Variants in ACBD6 observed in about 807,000 individuals in gnomAD.
ACBD6 encodes the protein acyl-CoA-binding domain-containing protein 6.
Under a neutral mutation model 37.2 loss-of-function variants are expected in ACBD6, and 28 were observed. That is an observed-to-expected ratio of 0.75 (90% confidence interval 0.56 to 1.03). ACBD6 has a LOEUF of 1.03. Among genes scored for constraint, ACBD6 ranks in the 50% least tolerant of loss-of-function variants. The probability of loss-of-function intolerance (pLI) is 0.00; values close to 1 mark genes in which losing one functional copy is unlikely to be tolerated. For missense variants in ACBD6, 340 were observed against 337.4 expected (o/e 1.01, Z -0.06); for synonymous variants, 113 against 126.8 (o/e 0.89, Z 0.73).
In ACBD6 at chr1:180,314,703, G is replaced by C. The variant is rs921062694; in HGVS notation, c.683C>G (p.Ala228Gly). The change falls in exon 7 of 8, where the codon GCT (alanine) becomes GGT (glycine). Residue 228 changes from alanine (A) to glycine (G), a missense_variant. Coordinates refer to ENST00000367595, the MANE Select transcript of ACBD6 (RefSeq NM_032360.4). ...TAGAAACTTCTTACCATAATGTAGA[G>C]CTGTTTGGCCTTCATTGTCCTATAA... ...INCQDNEGQT[A>G]LHYASACEFL... The C allele has an allele frequency of 1.3e-6, 2 of 1,529,856 alleles. No individual in the cohort carries two copies. The highest frequency in any genetic ancestry group is 1.8e-6 in the Non-Finnish European group (2 of 1,105,774). The allele number at this position is 1,529,856 out of a possible 1,614,324, so 94.8% of individuals were successfully genotyped here.
At chr1:180,432,064 A>G (rs1254053489) in intron 3 of ACBD6, among the ~76,000 whole-genome samples, 4 of 152,090 alleles carry the variant, frequency 2.6e-5, no homozygotes, top group African/African-American at 9.7e-5. Flanking sequence ...AAAACTAGCC[A>G]GGCATGGTGG....
intron 7 of ACBD6, among the ~76,000 whole-genome samples, chr1:180,309,420 T>C (rs1650504554): frequency 6.6e-6 from 1 of 152,076 alleles, no homozygotes; most frequent in African/African-American, 2.4e-5. Context: ...GATGACAGAG[T>C]GACTCATCTA....
intron 3 of ACBD6, among the ~76,000 whole-genome samples, chr1:180,441,349 A>G (rs577376781): frequency 6.6e-6 from 1 of 152,236 alleles, no homozygotes; most frequent in African/African-American, 2.4e-5. Context: ...TGTTTTAATT[A>G]CTGTAGCTTT....
intron 6 of ACBD6, among the ~76,000 whole-genome samples, chr1:180,317,852 C>T (rs759500455): frequency 6.6e-6 from 1 of 150,702 alleles, no homozygotes; most frequent in South Asian, 2.1e-4. Context: ...ACCTTCTCTT[C>T]CCAATTTTGT....
chr1:180,314,812 C>A, intron 6 of ACBD6, 90 bp from the exon 7 acceptor site: 1 of 973,250 alleles, frequency 1.0e-6, no homozygotes, highest in Non-Finnish European at 1.6e-6. Context: ...ATCTGATATA[C>A]CAAAGTTCCA....
intron 5 of ACBD6, among the ~76,000 whole-genome samples, chr1:180,399,547 C>T (rs1647260416): frequency 6.6e-6 from 1 of 152,108 alleles, no homozygotes; most frequent in African/African-American, 2.4e-5. Context: ...GGATTACAGG[C>T]GTGAGCCACC....
At chr1:180,347,840 G>A (rs929877527) in intron 6 of ACBD6, among the ~76,000 whole-genome samples, 1 of 151,970 alleles carries the variant, frequency 6.6e-6, no homozygotes, top group Non-Finnish European at 1.5e-5. Flanking sequence ...GCGTGGTGGC[G>A]GGCGCCTGTA....
At chr1:180,425,216 C>T (rs1648533903) in intron 4 of ACBD6, among the ~76,000 whole-genome samples, 1 of 152,132 alleles carries the variant, frequency 6.6e-6, no homozygotes, top group South Asian at 2.1e-4. Context: ...GAGGTATGCA[C>T]CAAAGACAAA....
intron 7 of ACBD6, 120 bp downstream of exon 7, chr1:180,314,572 T>C (rs1362029097): frequency 7.4e-6 from 6 of 814,044 alleles, no homozygotes; most frequent in Admixed American, 4.7e-5. Flanking sequence ...CAAAAAGTTA[T>C]TGTATCTCTG....
intron 3 of ACBD6, among the ~76,000 whole-genome samples, chr1:180,468,728 T>C (rs890276909): frequency 2.0e-5 from 3 of 152,304 alleles, no homozygotes; most frequent in Admixed American, 6.5e-5. Context: ...AAGTTACCCC[T>C]AAATCAGATA....
chr1:180,392,499 A>T (rs1036005271), intron 6 of ACBD6, among the ~76,000 whole-genome samples: 4 of 152,206 alleles, frequency 2.6e-5, no homozygotes, highest in Non-Finnish European at 5.9e-5. Context: ...TGGGCTTTGG[A>T]GTCAGAATAT....
chr1:180,301,377 GTAAA>G (rs1380819149), intron 7 of ACBD6, among the ~76,000 whole-genome samples: 1 of 151,030 alleles, frequency 6.6e-6, no homozygotes, highest in Non-Finnish European at 1.5e-5. Context: ...AGCCTTACCA[GTAAA>G]TAAACTGTCA....
chr1:180,487,470 A>G (rs998671069), intron 3 of ACBD6, among the ~76,000 whole-genome samples: 14 of 152,206 alleles, frequency 9.2e-5, no homozygotes, highest in African/African-American at 3.4e-4. Flanking sequence ...TCTAGCCAGT[A>G]TAGTCGCACT....
At chr1:180,384,425 C>T (rs775726178) in intron 6 of ACBD6, among the ~76,000 whole-genome samples, 6 of 152,060 alleles carry the variant, frequency 3.9e-5, no homozygotes, top group Non-Finnish European at 8.8e-5. Flanking sequence ...CACTAATCAT[C>T]AGGGAAATGT....
intron 6 of ACBD6, among the ~76,000 whole-genome samples, chr1:180,373,388 A>G (rs1653329885): frequency 6.6e-6 from 1 of 152,176 alleles, no homozygotes; most frequent in Non-Finnish European, 1.5e-5. Context: ...TAAAACATTC[A>G]ATAATCTAAG....
chr1:180,308,867 ATGTT>A (rs1650484860), intron 7 of ACBD6, among the ~76,000 whole-genome samples: 1 of 152,178 alleles, frequency 6.6e-6, no homozygotes, highest in Non-Finnish European at 1.5e-5. Context: ...CTTAAAAAGA[ATGTT>A]TGATGTATTT....
chr1:180,373,002 A>G (rs950883047), intron 6 of ACBD6, among the ~76,000 whole-genome samples: 1 of 152,162 alleles, frequency 6.6e-6, no homozygotes, highest in Non-Finnish European at 1.5e-5. Flanking sequence ...AATCCGATAG[A>G]CTGCTCCACT....
At chr1:180,288,732 T>C (rs1198515706) in intron 7 of ACBD6, among the ~76,000 whole-genome samples, 1 of 152,176 alleles carries the variant, frequency 6.6e-6, no homozygotes. Context: ...TTTGGTTGTC[T>C]AGGAACACAC....
chr1:180,397,805 C>A (rs375280860), intron 5 of ACBD6, among the ~76,000 whole-genome samples, 200 bp from the exon 6 acceptor site: 1 of 152,138 alleles, frequency 6.6e-6, no homozygotes, highest in African/African-American at 2.4e-5. Context: ...GTAATCCCAG[C>A]ACTTTGAAAG....
Sources: allele counts gnomAD v4.1 joint callset (sites outside exome capture counted in the v4.1 genomes callset), GRCh38; gene constraint gnomAD v4.1.1; transcripts MANE v1.5; gene names NCBI Gene and HGNC (gene_info 2026-07-23, HGNC 2026-07-21).